SEC14L4: variants seen among roughly 807,000 people sequenced by gnomAD.
SEC14L4 encodes the protein SEC14-like protein 4.
In SEC14L4, 42 loss-of-function variants were observed where a neutral mutation model predicts 55.1. The ratio of observed to expected loss-of-function variants is 0.76; its 90% CI spans 0.60 to 0.99. The LOEUF is 0.99. Among genes scored for constraint, SEC14L4 ranks in the 50% least tolerant of loss-of-function variants. The pLI is 0.00. For synonymous variants in SEC14L4, 206 were observed against 206.8 expected (o/e 1.00, Z 0.03); for missense variants, 445 against 512.1 (o/e 0.87, Z 1.27).
intron 1 of SEC14L4, among the ~76,000 whole-genome samples, chr22:30,505,142 A>AG (rs1221103416): frequency 6.6e-6 from 1 of 151,894 alleles, no homozygotes; most frequent in East Asian, 1.9e-4. Flanking sequence ...AAAAAAAAAA[A>AG]AAAAAAAGAT....
rs779259388 is a variant in SEC14L4, at chr22:30,495,937, C to T, written c.165G>A (p.Met55Ile). ...RNFDLQKSED[M>I]LRRHMEFRKQ... is the part of the protein sequence containing the mutation. ...GATCACAGATCCTTACCCTTCGGAGCATGTCTTCGGATTTCTGCAGGTCAA... is the reference window on the plus strand; with the variant it reads ...GATCACAGATCCTTACCCTTCGGAGTATGTCTTCGGATTTCTGCAGGTCAA... The change falls in exon 3 of 12, where the codon ATG becomes ATA. Residue 55 changes from methionine to isoleucine, a missense_variant. Transcript: ENST00000255858. The T allele has an allele frequency of 1.9e-6, 3 of 1,614,012 alleles. No individual in the cohort carries two copies. The highest frequency in any genetic ancestry group is 2.5e-6 in the Non-Finnish European group (3 of 1,179,944).
chr22:30,495,991 A>G lies in SEC14L4; in HGVS notation c.131-20T>C, dbSNP rs1420859942. 1 of 1,611,696 alleles carries G rather than the reference A, an allele frequency of 6.2e-7. No homozygotes were observed. Among genetic ancestry groups the G allele is most frequent in the East Asian group, 2.2e-5 (1 of 44,886 alleles). ...TTCGAGCTGCAAGAAGAGGAGGTAA[A>G]TAGAAGCTCAAGGCTAGATCCAGAA... On this transcript the variant is annotated intron_variant, in intron 2 of 11. Coordinates refer to ENST00000255858, the MANE Select transcript of SEC14L4 (RefSeq NM_174977.4).
Position 30,495,609 on chromosome 22 carries a change from T to C in SEC14L4, c.208A>G (p.Asn70Asp). 1 of 1,614,006 alleles carries C rather than the reference T, an allele frequency of 6.2e-7. No homozygotes were observed. The highest frequency in any genetic ancestry group is 1.7e-4 in the Middle Eastern group (1 of 6,060). Residue 70 changes from asparagine (N) to aspartate (D), a missense_variant, in exon 4 of 12, where the codon AAC (asparagine) becomes GAC (aspartate). Transcript: ENST00000255858. ...TCAGGGGGCTGCCATGTGACAATGTTGTCCAGGTCTTGTTGCTTCCGGAAC... is the reference window on the plus strand; with the variant it reads ...TCAGGGGGCTGCCATGTGACAATGTCGTCCAGGTCTTGTTGCTTCCGGAAC... Reference protein sequence around the residue: ...MEFRKQQDLDNIVTWQPPEVI... With the variant: ...MEFRKQQDLDDIVTWQPPEVI...
At chr22:30,494,814 C>G in intron 6 of SEC14L4, 52 bp downstream of exon 6, 1 of 1,222,648 alleles carries the variant, frequency 8.2e-7, no homozygotes, top group South Asian at 1.2e-5. Flanking sequence ...AGCTAGGGCT[C>G]ACAGCTGGGA....
In SEC14L4 at chr22:30,495,955, C is replaced by A. The variant is rs182513302; in HGVS notation, c.147G>T (p.Leu49=). ...TTCGGAGCATGTCTTCGGATTTCTG[C>A]AGGTCAAAGTTTCGAGCTGCAAGAA... The part of the protein sequence containing the change: ...LRWLRARNFD[L]QKSEDMLRRH... The change falls in exon 3 of 12, where the codon CTG becomes CTT. Residue 49 remains leucine (L), a synonymous_variant. Transcript: ENST00000255858. 186 of 1,613,970 alleles carry A rather than the reference C, an allele frequency of 1.2e-4. No homozygotes were observed. Among genetic ancestry groups the A allele is most frequent in the Non-Finnish European group, 1.7e-5 (20 of 1,179,960 alleles).
At position 30,494,215 on chromosome 22, in the gene SEC14L4, G is replaced by T. The variant is rs1422437270; in HGVS notation, c.520-5C>A. 1.2e-6 allele frequency: 2 copies of T among 1,612,326 alleles called. No homozygotes were observed. The highest frequency in any genetic ancestry group is 2.7e-5 in the African/African-American group (2 of 74,988). ...TGCTTCCAGGATGCTAAAAAACTGT[G>T]GAGTCAAGATGAGTCTGGTTGGGGC... On this transcript the variant is annotated splice_region_variant and splice_polypyrimidine_tract_variant and intron_variant, in intron 6 of 11. Transcript: ENST00000255858.
At chr22:30,498,456 G>A (rs1936218478) in intron 2 of SEC14L4, among the ~76,000 whole-genome samples, 1 of 152,100 alleles carries the variant, frequency 6.6e-6, no homozygotes, top group African/African-American at 2.4e-5. Flanking sequence ...AGTTCTAGAG[G>A]TTTTCTGTTG....
Position 30,495,259 on chromosome 22 carries a change from G to A in SEC14L4, c.418C>T (p.Gln140Ter). 7.5e-6 allele frequency: 12 copies of A among 1,608,802 alleles called. No individual in the cohort carries two copies. Among genetic ancestry groups the A allele is most frequent in the Non-Finnish European group, 1.0e-5 (12 of 1,177,588 alleles). Residue 140 changes from glutamine (Q) to a stop codon, truncating the protein, a stop_gained, in exon 5 of 12, where the codon CAG becomes TAG. Transcript: ENST00000255858. LOFTEE classifies it high-confidence loss of function. The part of the protein sequence containing the change: ...LLLHECELQT[Q>*]KLGRKIEMAL... ...GCCCCACCCCCGCTGCTCACCTTCT[G>A]AGTTTGCAGCTCACACTCATGCAAC...
At chr22:30,490,566 C>T (rs933141654) in intron 11 of SEC14L4, among the ~76,000 whole-genome samples, 1 of 152,240 alleles carries the variant, frequency 6.6e-6, no homozygotes, top group African/African-American at 2.4e-5. Context: ...TCGAGCTCCA[C>T]CTGCAGGGAG....
At position 30,495,641 on chromosome 22, in the gene SEC14L4, T is replaced by A; in HGVS notation, c.176A>T (p.His59Leu). 1 of 1,614,066 alleles carries A rather than the reference T, an allele frequency of 6.2e-7. No homozygotes were observed. Among genetic ancestry groups the A allele is most frequent in the Non-Finnish European group, 8.5e-7 (1 of 1,180,026 alleles). Residue 59 changes from histidine to leucine, a missense_variant and splice_region_variant, in exon 4 of 12, where the codon CAC becomes CTC. By Grantham distance (99) the His-to-Leu change is moderately conservative. Coordinates refer to ENST00000255858, the MANE Select transcript of SEC14L4 (RefSeq NM_174977.4). ...GTCTTGTTGCTTCCGGAACTCCATG[T>A]GCTGCAGGAACACAGCAGGAGCTAT... ...LQKSEDMLRR[H>L]MEFRKQQDLD...
chr22:30,505,633 G>A lies in SEC14L4; in HGVS notation c.-22C>T. 6.5e-7 allele frequency: 1 copy of A among 1,541,524 alleles called. No homozygotes were observed. Among genetic ancestry groups the A allele is most frequent in the Non-Finnish European group, 8.7e-7 (1 of 1,148,650 alleles). On this transcript the variant is annotated 5_prime_UTR_variant, in exon 1 of 12. Coordinates refer to ENST00000255858, the MANE Select transcript of SEC14L4 (RefSeq NM_174977.4). ...TCATGGTGCCCGCGGGCGCAGAAAG[G>A]CTCAGGGCGCAGGTCCGCCCGCCCG...
chr22:30,499,604 T>C (rs1936257814), intron 2 of SEC14L4, among the ~76,000 whole-genome samples: 2 of 151,382 alleles, frequency 1.3e-5, no homozygotes, highest in South Asian at 4.2e-4. Context: ...CTGAGTGTGG[T>C]GGCTCATGCC....
At chr22:30,495,770 G>A (rs532161347) in intron 3 of SEC14L4, 128 bp from the exon 4 acceptor site, 9 of 1,602,708 alleles carry the variant, frequency 5.6e-6, no homozygotes, top group East Asian at 4.5e-5. Context: ...GGGACAGGAG[G>A]TGGGCTGGGG....
At position 30,491,711 on chromosome 22, in the gene SEC14L4, C is replaced by T. The variant is rs372310044; in HGVS notation, c.943G>A (p.Gly315Ser). The T allele has an allele frequency of 1.5e-5, 24 of 1,614,056 alleles. No individual in the cohort carries two copies. Among genetic ancestry groups the T allele is most frequent in the African/African-American group, 4.0e-5 (3 of 74,920 alleles). The change falls in exon 11 of 12, where the codon GGC becomes AGC. Residue 315 changes from glycine to serine, a missense_variant. Physicochemically the swap from Gly to Ser is moderately conservative, Grantham distance 56. Transcript: ENST00000255858. Reference sequence around the variant, plus strand: ...TTGGTCTTCAGGAAAACCCCAAAGCCGATGTCCCCACCATCTGAAGCAAAC... The same window carrying T: ...TTGGTCTTCAGGAAAACCCCAAAGCTGATGTCCCCACCATCTGAAGCAAAC... ...WQFASDGGDI[G>S]FGVFLKTKMG...
chr22:30,489,781 G>T lies in SEC14L4; in HGVS notation c.*326C>A. The T allele has an allele frequency of 7.3e-7, 1 of 1,368,036 alleles. No individual in the cohort carries two copies. The highest frequency in any genetic ancestry group is 1.0e-6 in the Non-Finnish European group (1 of 979,456). 84.7% of individuals were successfully genotyped at this position (1,368,036 alleles called of 1,614,324 possible). ...AGGCATGGGTGAGTCCTGGGTGGCTGGATCTTGTCAAGATGGGTGAAAGGG... is the reference window on the plus strand; with the variant it reads ...AGGCATGGGTGAGTCCTGGGTGGCTTGATCTTGTCAAGATGGGTGAAAGGG... On this transcript the variant is annotated 3_prime_UTR_variant, in exon 12 of 12. Coordinates refer to ENST00000255858, the MANE Select transcript of SEC14L4 (RefSeq NM_174977.4).
At chr22:30,492,429 T>C (rs1048025506) in intron 8 of SEC14L4, 45 bp downstream of exon 8, 1 of 1,536,548 alleles carries the variant, frequency 6.5e-7, no homozygotes, top group Non-Finnish European at 9.0e-7. Context: ...CATTGACCTC[T>C]GCTTCCCAGG....
At chr22:30,502,822 A>G (rs1936371389) in intron 2 of SEC14L4, among the ~76,000 whole-genome samples, 1 of 151,816 alleles carries the variant, frequency 6.6e-6, no homozygotes, top group Non-Finnish European at 1.5e-5. Flanking sequence ...AAGCACTGGG[A>G]CTATAAGTGT....
At chr22:30,504,201 GC>G (rs142532423) in intron 1 of SEC14L4, among the ~76,000 whole-genome samples, 1,940 of 152,002 alleles carry the variant, frequency 0.013, 31 homozygotes, top group African/African-American at 0.043. Context: ...GGGACCACAG[GC>G]ACACAAGATG....
At chr22:30,495,470 A>G in intron 4 of SEC14L4, 28 bp from the exon 5 acceptor site, 1 of 1,610,986 alleles carries the variant, frequency 6.2e-7, no homozygotes, top group Non-Finnish European at 8.5e-7. Context: ...GTCCCGACTC[A>G]ATCCAGCTCA....
Sources: gnomAD v4.1 joint callset for allele counts (sites outside exome capture counted in the v4.1 genomes callset) on GRCh38, gnomAD v4.1.1 for gene constraint, MANE v1.5 for transcripts, NCBI Gene and HGNC (gene_info 2026-07-23, HGNC 2026-07-21) for gene names.